PCDH11Y: variants seen among roughly 807,000 people sequenced by gnomAD.
The protein encoded by PCDH11Y is protocadherin 11 Y-linked, also known as protocadherin-11 Y-linked.
For missense variants in PCDH11Y, 12 were observed against 224.8 expected (o/e 0.05, Z 6.05); for synonymous variants, 9 against 83.6 (o/e 0.11, Z 4.87).
At chrY:5,343,953 T>G in intron 2 of PCDH11Y, among the ~76,000 whole-genome samples, 1 of 32,948 alleles carries the variant, frequency 3.0e-5, no homozygotes, top group Non-Finnish European at 7.4e-5. Context: ...AGCAATATGC[T>G]ATTACAGAAC....
chrY:5,689,646 G>A, intron 4 of PCDH11Y, among the ~76,000 whole-genome samples: 1 of 32,168 alleles, frequency 3.1e-5, no homozygotes, highest in African/African-American at 1.2e-4. Flanking sequence ...ACAGCTAAAT[G>A]AGTCACTGTT....
At chrY:5,735,863 C>G (rs2053608913) in intron 4 of PCDH11Y, among the ~76,000 whole-genome samples, 17 of 32,583 alleles carry the variant, frequency 5.2e-4, no homozygotes, top group Admixed American at 4.3e-3. Flanking sequence ...TTGAATATTC[C>G]AAGCTAAGAA....
intron 2 of PCDH11Y, among the ~76,000 whole-genome samples, chrY:5,391,547 C>G: frequency 6.4e-5 from 2 of 31,019 alleles, no homozygotes; most frequent in East Asian, 1.7e-3. Context: ...GCCCAGTCAA[C>G]CGAGGAAGAC....
At chrY:5,703,849 CT>C (rs200406587) in intron 4 of PCDH11Y, among the ~76,000 whole-genome samples, 85 of 22,376 alleles carry the variant, frequency 3.8e-3, no homozygotes, top group African/African-American at 0.013. Context: ...TCTTTTTTTC[CT>C]TTTTTTTTTT....
chrY:5,448,300 G>T (rs2124682431), intron 2 of PCDH11Y, among the ~76,000 whole-genome samples: 1 of 33,418 alleles, frequency 3.0e-5, no homozygotes, highest in African/African-American at 1.2e-4. Context: ...AATAAATGTA[G>T]ACACTAGTCT....
At chrY:5,076,785 T>C in intron 1 of PCDH11Y, among the ~76,000 whole-genome samples, 1 of 33,466 alleles carries the variant, frequency 3.0e-5, no homozygotes, top group African/African-American at 1.2e-4. Flanking sequence ...TGTCTGTTCT[T>C]ATGCCAATAC....
At chrY:5,471,764 T>C in intron 2 of PCDH11Y, among the ~76,000 whole-genome samples, 1 of 32,840 alleles carries the variant, frequency 3.0e-5, no homozygotes, top group Non-Finnish European at 7.6e-5. Context: ...ACTTTATACT[T>C]TGTATACAGT....
chrY:5,349,902 A>G, intron 2 of PCDH11Y, among the ~76,000 whole-genome samples: 2 of 34,069 alleles, frequency 5.9e-5, no homozygotes, highest in Non-Finnish European at 1.5e-4. Context: ...AAAGGTCTCA[A>G]AAATTTGACA....
Position 5,090,966 on chromosome Y carries a change from A to G in PCDH11Y, c.637-7249A>G, listed in dbSNP as rs1602860852. Among the ~76,000 whole-genome samples the G allele has an allele frequency of 2.1e-4, 7 of 32,754 alleles. No homozygotes were observed. The East Asian group carries it at 5.5e-3, about 26-fold the overall frequency. 87.9% of individuals were successfully genotyped at this position (32,754 alleles called of 37,273 possible). ...TGGTTGAATATCCTATATTTTTGTT[A>G]TGAATGCAGCTCATCTAACTTAAGC... On this transcript the variant is annotated intron_variant, in intron 1 of 1. Coordinates refer to ENST00000215473, the Ensembl canonical transcript of PCDH11Y.
intron 2 of PCDH11Y, among the ~76,000 whole-genome samples, chrY:5,129,721 CA>C (rs2052831497): frequency 1.6e-4 from 5 of 30,380 alleles, no homozygotes; most frequent in African/African-American, 6.5e-4. Context: ...ATTTTAAGGT[CA>C]GGGGTACAAG....
intron 2 of PCDH11Y, chrY:5,338,872 A>C: frequency 3.0e-6 from 1 of 328,786 alleles, no homozygotes; most frequent in African/African-American, 8.5e-5. Flanking sequence ...CAAAGCTGTC[A>C]ACAATCTCAT....
intron 4 of PCDH11Y, among the ~76,000 whole-genome samples, chrY:5,627,185 G>A: frequency 3.3e-5 from 1 of 30,569 alleles, no homozygotes; most frequent in Admixed American, 3.0e-4. Flanking sequence ...AGTAGAGACG[G>A]GGTTTCACCA....
At chrY:5,223,512 A>G in intron 2 of PCDH11Y, among the ~76,000 whole-genome samples, 1 of 32,658 alleles carries the variant, frequency 3.1e-5, no homozygotes, top group African/African-American at 1.2e-4. Flanking sequence ...CTGTAGTGCA[A>G]TGATGTAAAC....
chrY:5,229,359 A>G, intron 2 of PCDH11Y, among the ~76,000 whole-genome samples: 1 of 15,686 alleles, frequency 6.4e-5, no homozygotes, highest in Admixed American at 1.1e-3. Flanking sequence ...TCTGTTGCCC[A>G]GGCTGGAATA....
intron 1 of PCDH11Y, among the ~76,000 whole-genome samples, chrY:5,062,763 C>T (rs2052678099): frequency 3.0e-5 from 1 of 32,972 alleles, no homozygotes; most frequent in Admixed American, 2.8e-4. Flanking sequence ...AGTTGGACAT[C>T]GTAAATAGTT....
At chrY:5,514,489 T>C in intron 3 of PCDH11Y, among the ~76,000 whole-genome samples, 1 of 31,916 alleles carries the variant, frequency 3.1e-5, no homozygotes, top group Non-Finnish European at 7.6e-5. Flanking sequence ...AGATTGATAA[T>C]GTGTCATTGC....
In PCDH11Y at chrY:5,238,359, T is replaced by G. The variant is rs1602891407; in HGVS notation, c.3129+137652T>G. Among the ~76,000 whole-genome samples, 86 of 33,472 alleles carry G rather than the reference T, an allele frequency of 2.6e-3. No homozygotes were observed. In the South Asian group the frequency reaches 0.042, roughly 16 times the overall value. 89.8% of individuals were successfully genotyped at this position (33,472 alleles called of 37,273 possible). On this transcript the variant is annotated intron_variant, in intron 2 of 4. Coordinates refer to the PCDH11Y transcript ENST00000400457. ...GTTTAATAAATGGTGCTGGGAAAAC[T>G]GGCTAGCCATATGTAGAAAGCTGAA...
intron 2 of PCDH11Y, among the ~76,000 whole-genome samples, chrY:5,392,567 A>G: frequency 3.0e-5 from 1 of 33,070 alleles, no homozygotes; most frequent in Non-Finnish European, 7.4e-5. Flanking sequence ...ATAGGCAAGT[A>G]TCTTAATGAT....
At chrY:5,434,566 CACACACAA>C (rs2053272020) in intron 2 of PCDH11Y, among the ~76,000 whole-genome samples, 3 of 31,810 alleles carry the variant, frequency 9.4e-5, no homozygotes, top group African/African-American at 3.7e-4. Context: ...CTGTCACACA[CACACACAA>C]ACACATACTT....
Sources: gnomAD v4.1 joint callset for allele counts (sites outside exome capture counted in the v4.1 genomes callset) on GRCh38, gnomAD v4.1.1 for gene constraint, MANE v1.5 for transcripts, NCBI Gene and HGNC (gene_info 2026-07-23, HGNC 2026-07-21) for gene names.